The following TENM2 variants were observed in gnomAD, a reference collection of about 807,000 sequenced individuals.
The protein encoded by TENM2 is teneurin-2.
Under a neutral mutation model 245.2 loss-of-function variants are expected in TENM2, and 52 were observed. The ratio of observed to expected loss-of-function variants is 0.21; its 90% confidence interval spans 0.17 to 0.27. TENM2 has a LOEUF of 0.27. Ranked by LOEUF, TENM2 falls within the 10% of genes least tolerant of loss-of-function variation. The probability of loss-of-function intolerance (pLI) is 1.00; values close to 1 mark genes in which losing one functional copy is unlikely to be tolerated. For missense variants in TENM2, 3,046 were observed against 3,666.8 expected, an observed-to-expected ratio of 0.83 and a Z score of 4.37; for synonymous variants, 1,363 against 1,438.9, an observed-to-expected ratio of 0.95 and a Z score of 1.19.
At chr5:167,429,345 G>C (rs1051811834) in intron 2 of TENM2, among the ~76,000 whole-genome samples, 2 of 152,108 alleles carry the variant, frequency 1.3e-5, no homozygotes, top group Non-Finnish European at 2.9e-5. Flanking sequence ...AAAGATTGTT[G>C]TGAGGACTAA....
At chr5:167,233,481 G>A in the TENM2 span, among the ~76,000 whole-genome samples, 3 of 152,236 alleles carry the variant, frequency 2.0e-5, no homozygotes, top group East Asian at 3.9e-4. Context: ...TTATGAAGGG[G>A]TTCAGTATTT....
chr5:167,395,942 A>G (rs1179362730), intron 2 of TENM2, among the ~76,000 whole-genome samples: 2 of 152,182 alleles, frequency 1.3e-5, no homozygotes, highest in Non-Finnish European at 2.9e-5. Flanking sequence ...GCCATTATCA[A>G]AGCAGTAACA....
chr5:168,008,726 G>A (rs1785009182), intron 5 of TENM2, among the ~76,000 whole-genome samples: 1 of 152,114 alleles, frequency 6.6e-6, no homozygotes, highest in Non-Finnish European at 1.5e-5. Flanking sequence ...TACCTAATAT[G>A]GCCTTAAGGT....
At chr5:167,674,009 G>T (rs1756140883) in intron 2 of TENM2, among the ~76,000 whole-genome samples, 1 of 152,102 alleles carries the variant, frequency 6.6e-6, no homozygotes, top group South Asian at 2.1e-4. Context: ...TAATGACATT[G>T]TATCCACAGA....
intron 3 of TENM2, among the ~76,000 whole-genome samples, chr5:167,911,296 A>G (rs1260922673): frequency 3.3e-5 from 5 of 152,106 alleles, no homozygotes; most frequent in Non-Finnish European, 4.4e-5. Context: ...GGAGGCCGAG[A>G]CGGACGGATC....
chr5:166,995,780 A>G, the TENM2 span, among the ~76,000 whole-genome samples: 29 of 124,960 alleles, frequency 2.3e-4, no homozygotes, highest in Non-Finnish European at 3.1e-5. Flanking sequence ...GCACCATTGC[A>G]CTCCAGCCTG....
At chr5:167,833,247 C>T (rs1199259327) in intron 2 of TENM2, among the ~76,000 whole-genome samples, 2 of 151,986 alleles carry the variant, frequency 1.3e-5, no homozygotes, top group African/African-American at 2.4e-5. Flanking sequence ...TATCCACAAA[C>T]GTTATTAAAA....
intron 2 of TENM2, among the ~76,000 whole-genome samples, chr5:167,379,778 G>T (rs1760983019): frequency 6.6e-6 from 1 of 152,016 alleles, no homozygotes; most frequent in Non-Finnish European, 1.5e-5. Context: ...AGTGAAAGAG[G>T]TAGCTACAAA....
At chr5:167,321,316 A>G (rs926118629) in intron 1 of TENM2, among the ~76,000 whole-genome samples, 2 of 152,202 alleles carry the variant, frequency 1.3e-5, no homozygotes, top group Non-Finnish European at 2.9e-5. Context: ...GCCAGGATAA[A>G]AAAGGAAATG....
In TENM2 at chr5:168,064,209, G is replaced by C. The variant is rs117445647; in HGVS notation, c.1515+1944G>C. Among the ~76,000 whole-genome samples the C allele has an allele frequency of 9.6e-4, 146 of 152,254 alleles. 1 individual carries two copies. Among genetic ancestry groups the C allele is most frequent in the Middle Eastern group, 6.8e-3 (2 of 294 alleles). On this transcript the variant is annotated intron_variant, in intron 7 of 28. Transcript: ENST00000518659. ...AAGAAGTTATGCAAATTGTTAAGTG[G>C]TGTCCTTGACCTTCAGGCTCCACTG... is the stretch of plus-strand genomic sequence containing the variant.
chr5:167,538,576 G>A (rs929295385), intron 2 of TENM2, among the ~76,000 whole-genome samples: 14 of 152,212 alleles, frequency 9.2e-5, no homozygotes, highest in Non-Finnish European at 1.8e-4. Context: ...ACAGTTGAGA[G>A]CCTTGGAGCA....
At chr5:167,700,949 T>TA (rs781480259) in intron 2 of TENM2, among the ~76,000 whole-genome samples, 6,903 of 79,668 alleles carry the variant, frequency 0.087, 531 homozygotes, top group East Asian at 0.25. Flanking sequence ...TTATATTTCT[T>TA]AAAAAAAAAA....
In TENM2 at chr5:167,807,317, C is replaced by A. The variant is rs891189479; in HGVS notation, c.503-68669C>A. Among the ~76,000 whole-genome samples the A allele has an allele frequency of 2.0e-5, 3 of 151,766 alleles. No individual in the cohort carries two copies. In the East Asian group the frequency reaches 5.8e-4, roughly 30 times the overall value. ...CCTGGCCTCCATTGTGTTCATGGAC[C>A]CATCCCTAAAGCAATTGCTCTGACA... On this transcript the variant is annotated intron_variant, in intron 2 of 28. Coordinates refer to ENST00000518659, the Ensembl canonical transcript of TENM2.
chr5:167,310,347 G>A (rs933280769), intron 1 of TENM2, among the ~76,000 whole-genome samples: 1 of 152,198 alleles, frequency 6.6e-6, no homozygotes, highest in Admixed American at 6.5e-5. Context: ...TCCTGTGGCT[G>A]TCCCAGTATA....
intron 2 of TENM2, among the ~76,000 whole-genome samples, chr5:167,505,624 T>G (rs193056390): frequency 6.6e-6 from 1 of 151,988 alleles, no homozygotes; most frequent in Non-Finnish European, 1.5e-5. Flanking sequence ...AAACAGGAGG[T>G]GGGAGTGGTA....
At chr5:167,099,773 G>A in the TENM2 span, among the ~76,000 whole-genome samples, 7 of 152,294 alleles carry the variant, frequency 4.6e-5, no homozygotes, top group East Asian at 1.4e-3. Flanking sequence ...TCTGATCTCT[G>A]TAGCTCTCTC....
At chr5:168,094,707 A>G (rs1793216892) in intron 8 of TENM2, among the ~76,000 whole-genome samples, 1 of 151,770 alleles carries the variant, frequency 6.6e-6, no homozygotes, top group Non-Finnish European at 1.5e-5. Context: ...CAGGCATTAG[A>G]TTCTCATAAG....
rs555466584 is a variant in TENM2, at chr5:168,231,264, A to G, written c.5520+3134A>G. On this transcript the variant is annotated intron_variant, in intron 25 of 28. Transcript: ENST00000518659. ...TTGGTAAGCACGTAGCAGAGTGATC[A>G]GGTCTCCCGTTTGACAAGAGATCAG... 1.4e-4 allele frequency among the ~76,000 whole-genome samples: 21 copies of G among 152,338 alleles called. No homozygotes were observed. The East Asian group carries it at 4.1e-3, about 29-fold the overall frequency.
intron 3 of TENM2, among the ~76,000 whole-genome samples, chr5:167,927,113 C>A (rs2151673213): frequency 6.6e-6 from 1 of 152,060 alleles, no homozygotes; most frequent in Middle Eastern, 3.4e-3. Flanking sequence ...TGTGCACATA[C>A]AAGTCTTATG....
Sources: allele counts gnomAD v4.1 joint callset (sites outside exome capture counted in the v4.1 genomes callset), GRCh38; gene constraint gnomAD v4.1.1; transcripts MANE v1.5; gene names NCBI Gene and HGNC (gene_info 2026-07-23, HGNC 2026-07-21).